Variants in KMT2A observed in about 807,000 individuals in gnomAD.
KMT2A encodes the protein lysine methyltransferase 2A.
A neutral mutation model predicts 345.3 loss-of-function variants in KMT2A; 16 were observed. The observed-to-expected ratio is 0.05, with a 90% CI of 0.03 to 0.07. The LOEUF (loss-of-function observed/expected upper bound fraction) is 0.07, where lower values mean the gene tolerates loss of function less well. KMT2A is among the 10% of genes least tolerant of loss of function. The pLI is 1.00. For synonymous variants in KMT2A, 1,599 were observed against 1,778.6 expected, an observed-to-expected ratio of 0.90 and a Z score of 2.54; for missense variants, 3,272 against 4,841.6, an observed-to-expected ratio of 0.68 and a Z score of 9.62.
chr11:118,521,242 T>C lies in KMT2A; in HGVS notation c.11514-46T>C. 1 of 1,606,934 alleles carries C rather than the reference T, an allele frequency of 6.2e-7. No homozygotes were observed. The highest frequency in any genetic ancestry group is 1.1e-5 in the South Asian group (1 of 90,688). On this transcript the variant is annotated intron_variant, in intron 34 of 35. Transcript: ENST00000534358. The surrounding 1 kb of genome is among the most constrained non-coding windows in gnomAD (Gnocchi z 5.3). ...TATTCATGTATTCACGCACTTAACC[T>C]TACTTGCAAAATTTGTGTCTGACCT...
intron 1 of KMT2A, among the ~76,000 whole-genome samples, chr11:118,463,678 G>A (rs1555033379): frequency 6.6e-6 from 1 of 152,144 alleles, no homozygotes; most frequent in Non-Finnish European, 1.5e-5. Context: ...CTAACTGTGT[G>A]ATCTTGGGCA....
Position 118,520,122 on chromosome 11 carries a change from C to G in KMT2A, c.11429+58C>G, listed in dbSNP as rs782574080. On this transcript the variant is annotated intron_variant, in intron 33 of 35. Coordinates refer to ENST00000534358, the MANE Select transcript of KMT2A (RefSeq NM_001197104.2). The surrounding 1 kb of genome is among the most constrained non-coding windows in gnomAD (Gnocchi z 4.3). ...CTGCTTTCCCTCTCCTCCAGCTGGT[C>G]AGGGCACTACGTAGGAATTTGTTTG... 9.1e-7 allele frequency: 1 copy of G among 1,098,992 alleles called. No individual in the cohort carries two copies. The highest frequency in any genetic ancestry group is 1.4e-6 in the Non-Finnish European group (1 of 732,840). 68.1% of individuals were successfully genotyped at this position (1,098,992 alleles called of 1,614,324 possible).
At chr11:118,469,865 G>A (rs1949912940) in intron 2 of KMT2A, among the ~76,000 whole-genome samples, 1 of 152,192 alleles carries the variant, frequency 6.6e-6, no homozygotes, top group Non-Finnish European at 1.5e-5. Flanking sequence ...TCTTAAAGAG[G>A]AGTGGTATTG....
Position 118,494,076 on chromosome 11 carries a change from C to T in KMT2A, c.5179-212C>T, listed in dbSNP as rs1950366500. Among the ~76,000 whole-genome samples, 1 of 152,166 alleles carries T rather than the reference C, an allele frequency of 6.6e-6. No individual in the cohort carries two copies. Among genetic ancestry groups the T allele is most frequent in the Admixed American group, 6.5e-5 (1 of 15,280 alleles). ...TATCATGATACAGCCAATTTGTTTGCATTCTTACCTCATTAGCCTGGCATC... is the reference window on the plus strand; with the variant it reads ...TATCATGATACAGCCAATTTGTTTGTATTCTTACCTCATTAGCCTGGCATC... On this transcript the variant is annotated intron_variant, in intron 16 of 35. Transcript: ENST00000534358. This position sits in a 1 kb window ranked among gnomAD's most constrained non-coding sequence, Gnocchi z 5.8.
Position 118,503,756 on chromosome 11 carries a change from C to T in KMT2A, c.7864C>T (p.Arg2622Cys), listed in dbSNP as rs2134394849. 6.2e-7 allele frequency: 1 copy of T among 1,614,230 alleles called. No individual in the cohort carries two copies. The highest frequency in any genetic ancestry group is 8.5e-7 in the Non-Finnish European group (1 of 1,180,046). ...CTCTTTTAAAAGGAGGTATCCCCGTCGCAGTGCCCGTGCACGTTCTAACAT... is the reference window on the plus strand; with the variant it reads ...CTCTTTTAAAAGGAGGTATCCCCGTTGCAGTGCCCGTGCACGTTCTAACAT... ...DGSFKRRYPRRSARARSNMFF... is the reference protein window; with the variant it reads ...DGSFKRRYPRCSARARSNMFF... Residue 2622 changes from arginine to cysteine, a missense_variant, in exon 27 of 36, where the codon CGC becomes TGC. This residue lies in a region of KMT2A where 21 missense variants were observed against 74.6 expected (regional missense o/e 0.28). Transcript: ENST00000534358. The surrounding 1 kb of genome is among the most constrained non-coding windows in gnomAD (Gnocchi z 5.3).
chr11:118,509,984 G>A lies in KMT2A; in HGVS notation c.10937G>A (p.Ser3646Asn). The change falls in exon 30 of 36, where the codon AGC becomes AAC. Residue 3646 changes from serine to asparagine, a missense_variant. Ser to Asn is a conservative substitution (Grantham distance 46). Transcript: ENST00000534358. The stretch of plus-strand genomic sequence containing the variant: ...GTGGAAGAAGAGGAAAGTAATTTCA[G>A]CTCCCCACTGATGCTTTGGCTTCAG... Reference protein sequence around the residue: ...KTVEEEESNFSSPLMLWLQQE... With the variant: ...KTVEEEESNFNSPLMLWLQQE... 1 of 1,612,472 alleles carries A rather than the reference G, an allele frequency of 6.2e-7. No individual in the cohort carries two copies. The highest frequency in any genetic ancestry group is 8.5e-7 in the Non-Finnish European group (1 of 1,179,108).
chr11:118,479,924 C>T (rs1405386321), intron 5 of KMT2A, among the ~76,000 whole-genome samples: 17 of 152,108 alleles, frequency 1.1e-4, no homozygotes, highest in Admixed American at 7.9e-4. Flanking sequence ...TGTTGGATTA[C>T]AAGAAATTTG....
intron 3 of KMT2A, among the ~76,000 whole-genome samples, chr11:118,475,539 C>T (rs1555037328): frequency 6.6e-6 from 1 of 152,048 alleles, no homozygotes; most frequent in African/African-American, 2.4e-5. Flanking sequence ...CTGGCTAACA[C>T]GGTGAAACCC....
At chr11:118,507,703 G>C in intron 28 of KMT2A, 94 bp downstream of exon 28, 1 of 970,732 alleles carries the variant, frequency 1.0e-6, no homozygotes. Context: ...AGTGGCTCAC[G>C]CCTGTAATCC....
chr11:118,504,240 T>G lies in KMT2A; in HGVS notation c.8348T>G (p.Met2783Arg). Residue 2783 changes from methionine (M) to arginine (R), a missense_variant, in exon 27 of 36, where the codon ATG (methionine) becomes AGG (arginine). Met to Arg is a moderately conservative substitution (Grantham distance 91). Around this residue, in one of 27 missense-constraint regions of KMT2A, gnomAD observed 100 missense variants for 101.3 expected, o/e 0.99. Coordinates refer to ENST00000534358, the MANE Select transcript of KMT2A (RefSeq NM_001197104.2). This position sits in a 1 kb window ranked among gnomAD's most constrained non-coding sequence, Gnocchi z 6.4. Reference sequence around the variant, plus strand: ...GTTGGCCACAAAAATGAGCCAAAGATGGATAACTGCCATTCTGTAAGCAGA... The same window carrying G: ...GTTGGCCACAAAAATGAGCCAAAGAGGGATAACTGCCATTCTGTAAGCAGA... ...SSVGHKNEPK[M>R]DNCHSVSRVK... 1.2e-6 allele frequency: 2 copies of G among 1,614,188 alleles called. No homozygotes were observed. Among genetic ancestry groups the G allele is most frequent in the Non-Finnish European group, 1.7e-6 (2 of 1,180,044 alleles).
At position 118,436,761 on chromosome 11, in the gene KMT2A, A is replaced by G; in HGVS notation, c.249A>G (p.Ala83=). The part of the protein sequence containing the change: ...GVPGGAAAAS[A]ASSSSASSSS... ...CAGGGGGAGCGGCCGCCGCCTCAGCAGCCTCCTCGTCGTCCGCCTCGTCTT... is the reference window on the plus strand; with the variant it reads ...CAGGGGGAGCGGCCGCCGCCTCAGCGGCCTCCTCGTCGTCCGCCTCGTCTT... Residue 83 remains alanine (A), a synonymous_variant, in exon 1 of 36, where the codon GCA becomes GCG. Transcript: ENST00000534358. The surrounding 1 kb of genome is among the most constrained non-coding windows in gnomAD (Gnocchi z 6.9). 6.2e-7 allele frequency: 1 copy of G among 1,601,102 alleles called. No homozygotes were observed. The highest frequency in any genetic ancestry group is 8.5e-7 in the Non-Finnish European group (1 of 1,174,480).
At chr11:118,507,900 T>C (rs557076786) in intron 28 of KMT2A, 42 of 305,268 alleles carry the variant, frequency 1.4e-4, no homozygotes, top group Admixed American at 2.5e-4. Context: ...GAGGCGGAGC[T>C]TGCAGTGAGC....
Position 118,482,013 on chromosome 11 carries a change from T to C in KMT2A, c.3933T>C (p.Thr1311=). ...TGGTCATCCCGCCTCAGCCACCTAC[T>C]ACAGGACCGCCAAGAAAAGAAGTTC... ...PALVIPPQPP[T]TGPPRKEVPK... is the part of the protein sequence containing the mutation. Residue 1311 remains threonine (T), a synonymous_variant, in exon 7 of 36, where the codon ACT becomes ACC. Coordinates refer to ENST00000534358, the MANE Select transcript of KMT2A (RefSeq NM_001197104.2). 6.2e-7 allele frequency: 1 copy of C among 1,614,138 alleles called. No individual in the cohort carries two copies. The highest frequency in any genetic ancestry group is 8.5e-7 in the Non-Finnish European group (1 of 1,180,002).
intron 6 of KMT2A, 24 bp downstream of exon 6, chr11:118,480,262 C>T (rs1555038860): frequency 1.9e-6 from 3 of 1,592,884 alleles, no homozygotes; most frequent in South Asian, 2.2e-5. Context: ...AAAGGTCTTC[C>T]CCCAAATGCT....
Position 118,494,561 on chromosome 11 carries a change from C to A in KMT2A, c.5290-133C>A. ...CTTTGAGAGGAACTTGGTGAGGTTG[C>A]CAGAGTGGATGGATCTTTCTCTTGG... On this transcript the variant is annotated intron_variant, in intron 17 of 35. Coordinates refer to ENST00000534358, the MANE Select transcript of KMT2A (RefSeq NM_001197104.2). This position sits in a 1 kb window ranked among gnomAD's most constrained non-coding sequence, Gnocchi z 5.8. The A allele has an allele frequency of 1.1e-6, 1 of 893,714 alleles. No individual in the cohort carries two copies. The highest frequency in any genetic ancestry group is 1.7e-6 in the Non-Finnish European group (1 of 572,186). 55.4% of individuals were successfully genotyped at this position (893,714 alleles called of 1,614,324 possible). A position where few individuals can be genotyped will look rare whatever the true frequency, so the allele number is the denominator to read the frequency against.
intron 1 of KMT2A, among the ~76,000 whole-genome samples, chr11:118,440,214 T>G (rs1949284544): frequency 6.6e-6 from 1 of 152,252 alleles, no homozygotes; most frequent in African/African-American, 2.4e-5. Context: ...TCCAGATGAC[T>G]TTGCTGTTTG....
rs190327077 is a variant in KMT2A, at chr11:118,450,448, G to C, written c.432+13504G>C. On this transcript the variant is annotated intron_variant, in intron 1 of 35. Coordinates refer to ENST00000534358, the MANE Select transcript of KMT2A (RefSeq NM_001197104.2). ...CTTATTCTTGTTGACATGGAGTGGGGATGAGGGGTACTACCTATTTCTCTA... is the reference window on the plus strand; with the variant it reads ...CTTATTCTTGTTGACATGGAGTGGGCATGAGGGGTACTACCTATTTCTCTA... The C allele has an allele frequency of 4.6e-5, 7 of 152,304 alleles. No homozygotes were observed. The East Asian group carries it at 1.3e-3, about 29-fold the overall frequency. 9.4% of individuals were successfully genotyped at this position (152,304 alleles called of 1,614,324 possible).
intron 1 of KMT2A, among the ~76,000 whole-genome samples, chr11:118,459,692 G>A (rs1394263621): frequency 6.6e-6 from 1 of 151,576 alleles, no homozygotes; most frequent in African/African-American, 2.4e-5. Flanking sequence ...TTGAAATGGA[G>A]TCTTGCTCCG....
At chr11:118,488,409 AC>A (rs1950267063) in intron 10 of KMT2A, 7 of 621,492 alleles carry the variant, frequency 1.1e-5, no homozygotes, top group South Asian at 6.8e-5. Flanking sequence ...TTCTATTTCC[AC>A]TGGTATTACC....
Sources: allele counts gnomAD v4.1 joint callset (sites outside exome capture counted in the v4.1 genomes callset), GRCh38; gene constraint gnomAD v4.1.1; regional missense constraint gnomAD v4.1.1; non-coding constraint Gnocchi (gnomAD v3.1); transcripts MANE v1.5; gene names NCBI Gene and HGNC (gene_info 2026-07-23, HGNC 2026-07-21).